Variants in AFF3 observed in about 807,000 individuals in gnomAD.
AFF3 encodes ALF transcription elongation factor 3.
A neutral mutation model predicts 129.7 loss-of-function variants in AFF3; 32 were observed. The observed-to-expected ratio is 0.25, with a 90% CI of 0.19 to 0.33. AFF3 has a LOEUF of 0.33. Ranked by LOEUF, AFF3 falls within the 10% of genes least tolerant of loss-of-function variation. The pLI is 1.00. For synonymous variants in AFF3, 644 were observed against 635.4 expected (o/e 1.01, Z -0.20); for missense variants, 1,373 against 1,592.0 (o/e 0.86, Z 2.34).
At chr2:99,745,595 C>G (rs916984828) in intron 9 of AFF3, among the ~76,000 whole-genome samples, 1 of 152,108 alleles carries the variant, frequency 6.6e-6, no homozygotes, top group African/African-American at 2.4e-5. Flanking sequence ...TTTGAATGAA[C>G]CTTTACTGCC....
chr2:100,066,294 T>C (rs1289851055), intron 4 of AFF3, among the ~76,000 whole-genome samples: 3 of 152,190 alleles, frequency 2.0e-5, no homozygotes, highest in African/African-American at 7.2e-5. Context: ...AGCTATAAAA[T>C]AGTACTGAAT....
At chr2:99,799,018 A>C (rs1685745142) in intron 8 of AFF3, among the ~76,000 whole-genome samples, 1 of 152,084 alleles carries the variant, frequency 6.6e-6, no homozygotes. Flanking sequence ...AGTTTCACAA[A>C]GTTGCAGGAT....
intron 2 of AFF3, among the ~76,000 whole-genome samples, chr2:100,123,482 GT>G (rs1692063736): frequency 6.6e-6 from 1 of 152,140 alleles, no homozygotes; most frequent in African/African-American, 2.4e-5. Context: ...AATGTGTTGG[GT>G]TTGTAGAATG....
At chr2:99,682,606 A>G (rs1201090109) in intron 11 of AFF3, among the ~76,000 whole-genome samples, 1 of 152,154 alleles carries the variant, frequency 6.6e-6, no homozygotes, top group East Asian at 1.9e-4. Context: ...AAGTCCCCAC[A>G]CTTTCGTCAA....
chr2:100,014,964 T>TC (rs1682884570), intron 4 of AFF3, among the ~76,000 whole-genome samples: 1 of 146,692 alleles, frequency 6.8e-6, no homozygotes. Context: ...ATTTTTTTTT[T>TC]TTTTTTTTTT....
intron 7 of AFF3, among the ~76,000 whole-genome samples, chr2:99,994,122 A>T (rs13403214): frequency 0.014 from 1,690 of 120,822 alleles, 24 homozygotes; most frequent in African/African-American, 0.042. Flanking sequence ...AATCTTTTTT[A>T]AAAAAAAATT....
intron 7 of AFF3, among the ~76,000 whole-genome samples, chr2:99,992,932 C>T (rs1479287602): frequency 2.0e-5 from 3 of 152,188 alleles, no homozygotes; most frequent in African/African-American, 2.4e-5. Context: ...CTGGCCAGTA[C>T]GGTGTGAGAA....
intron 7 of AFF3, among the ~76,000 whole-genome samples, chr2:99,943,427 G>A (rs1325587316): frequency 1.3e-5 from 2 of 152,162 alleles, no homozygotes; most frequent in East Asian, 3.8e-4. Flanking sequence ...CACTAGGAAT[G>A]CACTAGTCAC....
At chr2:99,821,208 G>A (rs1687653063) in intron 8 of AFF3, among the ~76,000 whole-genome samples, 1 of 152,070 alleles carries the variant, frequency 6.6e-6, no homozygotes, top group Non-Finnish European at 1.5e-5. Flanking sequence ...GGTCTTCAAG[G>A]GCAATTATAT....
intron 4 of AFF3, among the ~76,000 whole-genome samples, chr2:100,060,217 CAGTGAA>C (rs1362717190): frequency 6.6e-6 from 1 of 152,238 alleles, no homozygotes; most frequent in Admixed American, 6.5e-5. Context: ...TGGAAAAATA[CAGTGAA>C]AGTCCTGGTG....
At chr2:99,724,507 AG>A (rs1327839138) in intron 11 of AFF3, among the ~76,000 whole-genome samples, 5 of 151,956 alleles carry the variant, frequency 3.3e-5, no homozygotes, top group African/African-American at 1.2e-4. Context: ...TTCTGACTTC[AG>A]GTGATCCACC....
intron 8 of AFF3, among the ~76,000 whole-genome samples, chr2:99,779,653 T>C (rs923023432): frequency 1.3e-5 from 2 of 152,192 alleles, no homozygotes; most frequent in Admixed American, 1.3e-4. Context: ...ACCCAGTAGA[T>C]AGTTTTTCAG....
At chr2:99,866,771 G>C (rs1691434511) in intron 7 of AFF3, among the ~76,000 whole-genome samples, 1 of 151,962 alleles carries the variant, frequency 6.6e-6, no homozygotes. Context: ...GAGGTCAGGA[G>C]TTCGAGACCA....
chr2:99,690,150 C>T (rs114919864), intron 11 of AFF3, among the ~76,000 whole-genome samples: 3,311 of 132,692 alleles, frequency 0.025, 53 homozygotes, highest in Non-Finnish European at 0.032. Context: ...ATAATAACCA[C>T]AATCTTTATT....
intron 4 of AFF3, among the ~76,000 whole-genome samples, chr2:100,101,178 G>C: frequency 6.6e-6 from 1 of 152,220 alleles, no homozygotes. Context: ...CAGGAAGAGT[G>C]TGCAAGAAGG....
chr2:99,582,301 C>G (rs1677646302), intron 17 of AFF3, among the ~76,000 whole-genome samples: 2 of 152,184 alleles, frequency 1.3e-5, no homozygotes, highest in South Asian at 2.1e-4. Context: ...GTCCCCTGCT[C>G]TTCCCCTGGG....
intron 11 of AFF3, among the ~76,000 whole-genome samples, chr2:99,677,335 G>C (rs919007009): frequency 2.0e-5 from 3 of 151,404 alleles, no homozygotes; most frequent in Admixed American, 6.6e-5. Flanking sequence ...CTTAACACTT[G>C]AAGAGTTATC....
chr2:99,993,460 G>A (rs995084572), intron 7 of AFF3, among the ~76,000 whole-genome samples: 4 of 151,464 alleles, frequency 2.6e-5, no homozygotes, highest in Admixed American at 1.3e-4. Context: ...AATCATTGGG[G>A]GGCATAAGTT....
chr2:99,743,350 C>T (rs1171665016), intron 10 of AFF3, among the ~76,000 whole-genome samples: 1 of 152,182 alleles, frequency 6.6e-6, no homozygotes, highest in East Asian at 1.9e-4. Context: ...AGATCTACAG[C>T]TCAGAGGATG....
Sources: gnomAD v4.1 joint callset for allele counts (sites outside exome capture counted in the v4.1 genomes callset) on GRCh38, gnomAD v4.1.1 for gene constraint, MANE v1.5 for transcripts, NCBI Gene and HGNC (gene_info 2026-07-23, HGNC 2026-07-21) for gene names.